The following LRMDA variants were observed in gnomAD, a reference collection of about 807,000 sequenced individuals.
The protein encoded by LRMDA is leucine rich melanocyte differentiation associated, also known as leucine-rich melanocyte differentiation-associated protein.
Under a neutral mutation model 29.8 loss-of-function variants are expected in LRMDA, and 18 were observed. The observed-to-expected ratio is 0.60, with a 90% CI of 0.42 to 0.90. The LOEUF is 0.90. Among genes scored for constraint, LRMDA ranks in the 40% least tolerant of loss-of-function variants. LRMDA has a pLI of 0.00. For synonymous variants in LRMDA, 125 were observed against 109.4 expected, an observed-to-expected ratio of 1.14 and a Z score of -0.89; for missense variants, 273 against 273.9, an observed-to-expected ratio of 1.00 and a Z score of 0.02.
intron 5 of LRMDA, among the ~76,000 whole-genome samples, chr10:76,216,520 A>G (rs180766161): frequency 2.3e-4 from 35 of 152,372 alleles, no homozygotes; most frequent in Admixed American, 1.3e-3. Flanking sequence ...AGATGGAGAC[A>G]TTTTGCAGAG....
chr10:76,418,342 G>GTGTGTGTGTATGCATGCA (rs2132517291), intron 6 of LRMDA, among the ~76,000 whole-genome samples: 1 of 151,902 alleles, frequency 6.6e-6, no homozygotes, highest in South Asian at 2.1e-4. Context: ...GTGTGTGTGT[G>GTGTGTGTGTATGCATGCA]TGTGTGTGTA....
chr10:75,872,878 C>T (rs1564592927), intron 2 of LRMDA, among the ~76,000 whole-genome samples: 1 of 152,108 alleles, frequency 6.6e-6, no homozygotes, highest in Non-Finnish European at 1.5e-5. Flanking sequence ...TTTTATGTGG[C>T]TTGTCTTCTC....
chr10:76,397,321 C>G (rs1490124521), intron 6 of LRMDA, among the ~76,000 whole-genome samples: 1 of 152,124 alleles, frequency 6.6e-6, no homozygotes, highest in African/African-American at 2.4e-5. Context: ...ATTGGCCATG[C>G]CTGTGGTAGG....
chr10:75,497,243 A>G (rs1332214048), intron 2 of LRMDA, among the ~76,000 whole-genome samples: 1 of 152,124 alleles, frequency 6.6e-6, no homozygotes, highest in Non-Finnish European at 1.5e-5. Context: ...TTAATGAAAA[A>G]TTTCTATCAT....
At chr10:76,546,450 A>G (rs191562878) in intron 6 of LRMDA, among the ~76,000 whole-genome samples, 1 of 152,356 alleles carries the variant, frequency 6.6e-6, no homozygotes, top group East Asian at 1.9e-4. Flanking sequence ...AAAGGTTTCT[A>G]GCTAACCATG....
At chr10:76,050,049 C>G (rs1425876275) in intron 4 of LRMDA, among the ~76,000 whole-genome samples, 2 of 152,152 alleles carry the variant, frequency 1.3e-5, no homozygotes, top group South Asian at 4.1e-4. Flanking sequence ...GAAAAAAATT[C>G]TTATTGATTG....
At chr10:76,410,483 A>G (rs1841948733) in intron 6 of LRMDA, among the ~76,000 whole-genome samples, 1 of 151,048 alleles carries the variant, frequency 6.6e-6, no homozygotes, top group Admixed American at 6.6e-5. Context: ...TAGGTTTCAA[A>G]TTTTTTGTAG....
chr10:75,659,788 GTC>G (rs1841726484), intron 2 of LRMDA, among the ~76,000 whole-genome samples: 1 of 152,130 alleles, frequency 6.6e-6, no homozygotes, highest in South Asian at 2.1e-4. Context: ...GATCTTAAGT[GTC>G]TCCCCCTCCT....
At chr10:75,949,100 T>C (rs1846528781) in intron 2 of LRMDA, among the ~76,000 whole-genome samples, 1 of 152,048 alleles carries the variant, frequency 6.6e-6, no homozygotes, top group Non-Finnish European at 1.5e-5. Flanking sequence ...TTAAAAAAAA[T>C]TGCTGCAGCG....
chr10:75,582,172 CA>C (rs1360801870), intron 2 of LRMDA, among the ~76,000 whole-genome samples: 1 of 152,202 alleles, frequency 6.6e-6, no homozygotes, highest in East Asian at 1.9e-4. Context: ...GCCCTCTTCT[CA>C]CAGCTCCACT....
At chr10:76,056,823 C>T (rs998717267) in intron 4 of LRMDA, among the ~76,000 whole-genome samples, 1 of 152,162 alleles carries the variant, frequency 6.6e-6, no homozygotes, top group Admixed American at 6.5e-5. Context: ...GCAGCTGCAG[C>T]TGGGCAGCTG....
chr10:75,794,591 C>T lies in LRMDA; in HGVS notation c.132-241417C>T, dbSNP rs537572157. 1.1e-4 allele frequency among the ~76,000 whole-genome samples: 16 copies of T among 152,298 alleles called. No individual in the cohort carries two copies. The East Asian group carries it at 3.1e-3, about 29-fold the overall frequency. On this transcript the variant is annotated intron_variant, in intron 2 of 6. Coordinates refer to ENST00000611255, the MANE Select transcript of LRMDA (RefSeq NM_001305581.2). ...GAGAGTTCTACCTACTCTACATCCTCTCCAACAGTTAGTGTCGTCAGTCTT... is the reference window on the plus strand; with the variant it reads ...GAGAGTTCTACCTACTCTACATCCTTTCCAACAGTTAGTGTCGTCAGTCTT...
chr10:75,890,612 T>C (rs1845470356), intron 2 of LRMDA, among the ~76,000 whole-genome samples: 1 of 152,148 alleles, frequency 6.6e-6, no homozygotes, highest in South Asian at 2.1e-4. Context: ...TAGGTGTGTA[T>C]ATGTGTGGGG....
intron 6 of LRMDA, among the ~76,000 whole-genome samples, chr10:76,555,546 C>T (rs1843545740): frequency 6.6e-6 from 1 of 152,174 alleles, no homozygotes; most frequent in Non-Finnish European, 1.5e-5. Flanking sequence ...GACTATTTGA[C>T]CCCAGCAATT....
chr10:76,250,519 A>G (rs866648046), intron 5 of LRMDA, among the ~76,000 whole-genome samples: 4 of 152,236 alleles, frequency 2.6e-5, no homozygotes, highest in African/African-American at 9.6e-5. Flanking sequence ...AAACCAAAAA[A>G]TGAAAAAAGG....
At chr10:76,101,068 AT>A (rs1477340484) in intron 5 of LRMDA, among the ~76,000 whole-genome samples, 1 of 152,140 alleles carries the variant, frequency 6.6e-6, no homozygotes, top group East Asian at 1.9e-4. Flanking sequence ...AAAAGTAATA[AT>A]TTTACAAATT....
chr10:76,179,512 G>T (rs560194793), intron 5 of LRMDA, among the ~76,000 whole-genome samples: 1 of 152,330 alleles, frequency 6.6e-6, no homozygotes, highest in Admixed American at 6.5e-5. Context: ...ATGGCTGGGA[G>T]GATCGGGAGC....
intron 5 of LRMDA, among the ~76,000 whole-genome samples, chr10:76,067,803 A>C (rs1166454046): frequency 6.6e-6 from 1 of 152,236 alleles, no homozygotes; most frequent in Non-Finnish European, 1.5e-5. Flanking sequence ...AAGGAGAATC[A>C]TGATGGCCTC....
intron 3 of LRMDA, among the ~76,000 whole-genome samples, chr10:76,039,561 G>T (rs1848307807): frequency 6.6e-6 from 1 of 152,146 alleles, no homozygotes; most frequent in South Asian, 2.1e-4. Context: ...AATGCTGTAG[G>T]TTCCTAGACC....
Sources: gnomAD v4.1 joint callset for allele counts (sites outside exome capture counted in the v4.1 genomes callset) on GRCh38, gnomAD v4.1.1 for gene constraint, MANE v1.5 for transcripts, NCBI Gene and HGNC (gene_info 2026-07-23, HGNC 2026-07-21) for gene names.